TCF4: variants seen among roughly 807,000 people sequenced by gnomAD.
The protein encoded by TCF4 is SL3-3 enhancer factor 2.
TCF4 carries 3 observed loss-of-function variants against 82.1 expected under a neutral mutation model. The ratio of observed to expected loss-of-function variants is 0.04; its 90% confidence interval spans 0.02 to 0.09. The LOEUF is 0.09. Ranked by LOEUF, TCF4 falls within the 10% of genes least tolerant of loss-of-function variation. The pLI is 1.00. For synonymous variants in TCF4, 276 were observed against 309.6 expected (o/e 0.89, Z 1.14); for missense variants, 518 against 852.7 (o/e 0.61, Z 4.89).
At chr18:55,440,320 AT>A (rs2095416343) in intron 5 of TCF4, among the ~76,000 whole-genome samples, 1 of 152,020 alleles carries the variant, frequency 6.6e-6, no homozygotes, top group African/African-American at 2.4e-5. Context: ...CTTCTTGAAG[AT>A]TTTTAGGTGA....
intron 6 of TCF4, among the ~76,000 whole-genome samples, chr18:55,387,948 A>C (rs1218764227): frequency 6.6e-6 from 1 of 152,184 alleles, no homozygotes; most frequent in Non-Finnish European, 1.5e-5. Flanking sequence ...GCTGTGTCTG[A>C]GCAAGGTCTG....
At chr18:55,587,984 C>A (rs976186516) in intron 1 of TCF4, 54 bp downstream of exon 1, 1 of 971,530 alleles carries the variant, frequency 1.0e-6, no homozygotes, top group Admixed American at 6.4e-5. Flanking sequence ...GAGCCCGAAC[C>A]CCGCGCCGCC....
intron 3 of TCF4, among the ~76,000 whole-genome samples, chr18:55,558,243 GA>G (rs2147257592): frequency 6.6e-6 from 1 of 152,130 alleles, no homozygotes; most frequent in East Asian, 1.9e-4. Context: ...AAAAATTTCT[GA>G]GCCAGTAGAA....
chr18:55,560,242 G>A (rs769025781), intron 3 of TCF4, among the ~76,000 whole-genome samples: 3 of 152,138 alleles, frequency 2.0e-5, no homozygotes, highest in African/African-American at 7.2e-5. Context: ...TATGCAGTGC[G>A]TAATGCAAGA....
Position 55,225,127 on chromosome 18 carries a change from C to A in TCF4, c.*2908G>T, listed in dbSNP as rs1438728576. On this transcript the variant is annotated 3_prime_UTR_variant, in exon 20 of 20. Transcript: ENST00000354452. ...ACAACCCAATTAATATGGATAGGTG[C>A]AGATTATGTTTCTCCACCAAGCAAA... The A allele has an allele frequency of 6.6e-6, 1 of 152,116 alleles. No individual in the cohort carries two copies. The highest frequency in any genetic ancestry group is 1.5e-5 in the Non-Finnish European group (1 of 67,970). The allele number at this position is 152,116 out of a possible 1,614,324, so 9.4% of individuals were successfully genotyped here.
intron 5 of TCF4, among the ~76,000 whole-genome samples, chr18:55,448,324 G>A (rs2095561921): frequency 6.6e-6 from 1 of 152,146 alleles, no homozygotes; most frequent in African/African-American, 2.4e-5. Context: ...TTTAACAGGT[G>A]CTGAAATTTA....
chr18:55,444,264 A>G (rs1306907938), intron 5 of TCF4, among the ~76,000 whole-genome samples: 1 of 152,204 alleles, frequency 6.6e-6, no homozygotes, highest in Non-Finnish European at 1.5e-5. Context: ...TTTTCAGTCA[A>G]TGTTAAAATA....
intron 2 of TCF4, among the ~76,000 whole-genome samples, chr18:55,604,526 G>T (rs576065764): frequency 6.6e-6 from 1 of 152,154 alleles, no homozygotes; most frequent in African/African-American, 2.4e-5. Flanking sequence ...GGACAAAGAG[G>T]ATCTTTGCTT....
intron 10 of TCF4, among the ~76,000 whole-genome samples, chr18:55,275,275 G>GGAAAAAAAAA (rs1555795909): frequency 2.8e-5 from 2 of 71,376 alleles, no homozygotes; most frequent in African/African-American, 5.2e-5. Context: ...ACTACAGATA[G>GGAAAAAAAAA]AAAAAAAAAA....
At chr18:55,250,586 C>T (rs775373388) in intron 15 of TCF4, among the ~76,000 whole-genome samples, 1 of 152,152 alleles carries the variant, frequency 6.6e-6, no homozygotes, top group Admixed American at 6.5e-5. Flanking sequence ...CTCACTTTAC[C>T]GACACCTGAA....
chr18:55,366,547 T>C (rs890035239), intron 6 of TCF4, among the ~76,000 whole-genome samples: 1 of 152,228 alleles, frequency 6.6e-6, no homozygotes, highest in Non-Finnish European at 1.5e-5. Context: ...TTTCCTACAA[T>C]GTGCTTAAAG....
At chr18:55,284,122 T>A (rs778092135) in intron 8 of TCF4, among the ~76,000 whole-genome samples, 27 of 152,072 alleles carry the variant, frequency 1.8e-4, no homozygotes, top group Non-Finnish European at 4.0e-4. Context: ...TTTAAGAAAA[T>A]AAAATATCGG....
intron 3 of TCF4, chr18:55,551,559 T>C (rs904235448): frequency 1.3e-5 from 2 of 152,514 alleles, no homozygotes; most frequent in African/African-American, 4.8e-5. Flanking sequence ...CTCCAACCTG[T>C]CCTAACCACA....
chr18:55,461,205 C>A, intron 4 of TCF4, 90 bp from the exon 5 acceptor site: 1 of 1,102,398 alleles, frequency 9.1e-7, no homozygotes, highest in Non-Finnish European at 1.3e-6. Flanking sequence ...CTTCTCCCCT[C>A]CAAAGAAATT....
intron 13 of TCF4, among the ~76,000 whole-genome samples, chr18:55,257,997 A>T (rs1462923556): frequency 1.3e-5 from 2 of 152,208 alleles, no homozygotes. Flanking sequence ...GTTAGAATAC[A>T]TATTACATGT....
At chr18:55,578,622 A>G (rs983456001) in intron 3 of TCF4, among the ~76,000 whole-genome samples, 4 of 152,108 alleles carry the variant, frequency 2.6e-5, no homozygotes, top group African/African-American at 7.2e-5. Flanking sequence ...TCAAAGAGAC[A>G]TTCTGGCACA....
chr18:55,367,010 T>C (rs1418882676), intron 6 of TCF4, among the ~76,000 whole-genome samples: 1 of 152,240 alleles, frequency 6.6e-6, no homozygotes, highest in Non-Finnish European at 1.5e-5. Context: ...GAAAGTTCTA[T>C]ATACCCAAAA....
At chr18:55,237,292 C>A (rs139418201) in intron 15 of TCF4, among the ~76,000 whole-genome samples, 4 of 152,096 alleles carry the variant, frequency 2.6e-5, no homozygotes. Flanking sequence ...TTCCCCTATA[C>A]AATGACTGTA....
chr18:55,621,448 A>G (rs1289381937), intron 2 of TCF4, among the ~76,000 whole-genome samples: 1 of 106,792 alleles, frequency 9.4e-6, no homozygotes, highest in Non-Finnish European at 1.8e-5. Flanking sequence ...ATATATATAT[A>G]ATATATATAA....
Sources: gnomAD v4.1 joint callset for allele counts (sites outside exome capture counted in the v4.1 genomes callset) on GRCh38, gnomAD v4.1.1 for gene constraint, MANE v1.5 for transcripts, NCBI Gene and HGNC (gene_info 2026-07-23, HGNC 2026-07-21) for gene names.